The following DYNC2H1 variants were observed in gnomAD, a reference collection of about 807,000 sequenced individuals.
DYNC2H1 encodes the protein cytoplasmic dynein 2 heavy chain 1.
A neutral mutation model predicts 570.0 loss-of-function variants in DYNC2H1; 410 were observed. That is an observed-to-expected ratio of 0.72 (90% CI 0.66 to 0.78). The LOEUF is 0.78. DYNC2H1 is among the 30% of genes least tolerant of loss of function. The pLI is 0.00. For missense variants in DYNC2H1, 4,865 were observed against 5,046.4 expected (o/e 0.96, Z 1.09); for synonymous variants, 1,688 against 1,677.6 (o/e 1.01, Z -0.15).
intron 82 of DYNC2H1, among the ~76,000 whole-genome samples, chr11:103,351,728 G>A (rs1940066166): frequency 6.6e-6 from 1 of 151,978 alleles, no homozygotes; most frequent in South Asian, 2.1e-4. Flanking sequence ...AGTAAGACTG[G>A]TCTTTGAATT....
At chr11:103,128,761 C>A in intron 12 of DYNC2H1, 149 bp from the exon 13 acceptor site, 1 of 592,148 alleles carries the variant, frequency 1.7e-6, no homozygotes, top group Non-Finnish European at 2.9e-6. Context: ...TGTATTAATA[C>A]ATGAACAAAT....
chr11:103,252,177 C>T lies in DYNC2H1; in HGVS notation c.10043-1108C>T, dbSNP rs575769774. The stretch of plus-strand genomic sequence containing the variant: ...CTTGAACTTCTGGTCTCAAGTGGTA[C>T]GTCCGTCTCAACCTCCCAAAATGAT... On this transcript the variant is annotated intron_variant, in intron 65 of 88. Coordinates refer to ENST00000375735, the MANE Select transcript of DYNC2H1 (RefSeq NM_001377.3). This position sits in a 1 kb window ranked among gnomAD's most constrained non-coding sequence, Gnocchi z 4.6. 5.3e-5 allele frequency among the ~76,000 whole-genome samples: 8 copies of T among 151,490 alleles called. No homozygotes were observed. The highest frequency in any genetic ancestry group is 7.3e-5 in the African/African-American group (3 of 41,302).
intron 6 of DYNC2H1, among the ~76,000 whole-genome samples, chr11:103,119,375 T>C (rs1345203549): frequency 6.6e-6 from 1 of 152,138 alleles, no homozygotes; most frequent in African/African-American, 2.4e-5. Flanking sequence ...AATCTCGATA[T>C]GTTGCCCAGG....
chr11:103,474,674 TTGTGGTATTGTTACAATTA>T (rs949472777), intron 88 of DYNC2H1, among the ~76,000 whole-genome samples: 51 of 152,270 alleles, frequency 3.3e-4, no homozygotes, highest in African/African-American at 1.1e-3. Context: ...AACTTTATTA[TTGTGGTATTGTTACAATTA>T]TTCTATTTTA....
intron 84 of DYNC2H1, among the ~76,000 whole-genome samples, chr11:103,417,697 G>A (rs1421639572): frequency 3.9e-5 from 6 of 151,954 alleles, no homozygotes; most frequent in Non-Finnish European, 7.4e-5. Context: ...CCAACATGGT[G>A]AAACCGTGTC....
At position 103,125,109 on chromosome 11, in the gene DYNC2H1, T is replaced by A. The variant is rs1438235100; in HGVS notation, c.1671T>A (p.Ala557=). 1 of 1,611,448 alleles carries A rather than the reference T, an allele frequency of 6.2e-7. No individual in the cohort carries two copies. The highest frequency in any genetic ancestry group is 8.5e-7 in the Non-Finnish European group (1 of 1,178,156). ...SDSRSGLCIE[A]SSRIMELDSN... ...TTATTTTGTTTTATAGTATTGAGGC[T>A]AGTAGTCGAATTATGGAATTGGATT... Residue 557 remains alanine (A), a synonymous_variant, in exon 12 of 89, where the codon GCT becomes GCA. Coordinates refer to ENST00000375735, the MANE Select transcript of DYNC2H1 (RefSeq NM_001377.3).
intron 78 of DYNC2H1, among the ~76,000 whole-genome samples, chr11:103,310,581 A>G (rs1867530565): frequency 1.3e-5 from 2 of 150,034 alleles, no homozygotes; most frequent in South Asian, 2.1e-4. Flanking sequence ...GGCCTTATCT[A>G]TGGTGGTTTT....
intron 18 of DYNC2H1, among the ~76,000 whole-genome samples, chr11:103,144,251 T>C (rs1860118940): frequency 6.6e-6 from 1 of 152,232 alleles, no homozygotes; most frequent in Non-Finnish European, 1.5e-5. Flanking sequence ...AGCTTTAAAA[T>C]ATTAGCAACA....
chr11:103,142,800 C>T (rs1481746087), intron 17 of DYNC2H1, among the ~76,000 whole-genome samples: 1 of 152,208 alleles, frequency 6.6e-6, no homozygotes, highest in Non-Finnish European at 1.5e-5. Flanking sequence ...TTAAGTATAT[C>T]ATCCCAACTA....
intron 75 of DYNC2H1, among the ~76,000 whole-genome samples, chr11:103,295,297 A>C (rs1866773958): frequency 6.6e-6 from 1 of 152,136 alleles, no homozygotes; most frequent in Non-Finnish European, 1.5e-5. Context: ...TCTGGTAATG[A>C]GGAGGAAATT....
chr11:103,235,472 A>G (rs796139961), intron 61 of DYNC2H1, among the ~76,000 whole-genome samples, 200 bp from the exon 62 acceptor site: 3 of 151,932 alleles, frequency 2.0e-5, no homozygotes, highest in African/African-American at 7.2e-5. Context: ...TTCTACAAAT[A>G]TATTAGGATT....
chr11:103,248,768 C>T (rs1864718855), intron 65 of DYNC2H1, among the ~76,000 whole-genome samples: 1 of 151,954 alleles, frequency 6.6e-6, no homozygotes, highest in South Asian at 2.1e-4. Flanking sequence ...GTTGATCTTG[C>T]CTGAATCTTT....
intron 65 of DYNC2H1, among the ~76,000 whole-genome samples, chr11:103,246,791 C>T (rs545249950): frequency 2.0e-5 from 3 of 151,962 alleles, no homozygotes; most frequent in Non-Finnish European, 4.4e-5. Flanking sequence ...TCACATAAAA[C>T]AAAGTTTGTG....
chr11:103,287,949 G>T (rs1866416513), intron 75 of DYNC2H1, among the ~76,000 whole-genome samples: 1 of 152,056 alleles, frequency 6.6e-6, no homozygotes. Flanking sequence ...GAGCATTGGG[G>T]GTTACTATTT....
At position 103,479,216 on chromosome 11, in the gene DYNC2H1, T is replaced by C. The variant is rs1945666416; in HGVS notation, c.12887T>C (p.Ile4296Thr). The change falls in exon 89 of 89, where the codon ATT becomes ACT. Residue 4296 changes from isoleucine to threonine, a missense_variant. Transcript: ENST00000375735. ...TGTGGGGGCAACCAAGACCAGTGGA[T>C]TCAGTGTGGAGCAGCTCTATTCCTA... ...VPCGGNQDQW[I>T]QCGAALFLKN... The C allele has an allele frequency of 3.1e-6, 5 of 1,613,722 alleles. No individual in the cohort carries two copies. The highest frequency in any genetic ancestry group is 4.2e-6 in the Non-Finnish European group (5 of 1,179,818).
intron 48 of DYNC2H1, among the ~76,000 whole-genome samples, chr11:103,198,871 AT>A (rs963478611): frequency 3.3e-5 from 5 of 152,048 alleles, no homozygotes; most frequent in African/African-American, 7.2e-5. Context: ...GAGTTTGGGG[AT>A]TTTTTTCATG....
At chr11:103,448,368 A>T (rs1591771544) in intron 85 of DYNC2H1, among the ~76,000 whole-genome samples, 1 of 152,140 alleles carries the variant, frequency 6.6e-6, no homozygotes, top group African/African-American at 2.4e-5. Context: ...TTCTAAAAAG[A>T]TACCTCTTCC....
chr11:103,119,501 G>A (rs1858587342), intron 6 of DYNC2H1, among the ~76,000 whole-genome samples: 1 of 152,016 alleles, frequency 6.6e-6, no homozygotes, highest in Non-Finnish European at 1.5e-5. Flanking sequence ...CACCACACCT[G>A]GCTAATTTTT....
At chr11:103,233,271 T>C (rs1239478139) in intron 60 of DYNC2H1, among the ~76,000 whole-genome samples, 1 of 131,558 alleles carries the variant, frequency 7.6e-6, no homozygotes, top group East Asian at 2.2e-4. Flanking sequence ...TAACTGGAAC[T>C]GTTCTGGAGA....
Sources: gnomAD v4.1 joint callset for allele counts (sites outside exome capture counted in the v4.1 genomes callset) on GRCh38, gnomAD v4.1.1 for gene constraint, Gnocchi (gnomAD v3.1) non-coding constraint, MANE v1.5 for transcripts, NCBI Gene and HGNC (gene_info 2026-07-23, HGNC 2026-07-21) for gene names.